Variants in COL25A1 observed in about 807,000 individuals in gnomAD.
COL25A1 encodes collagen type XXV alpha 1 chain, also known as collagen alpha-1(XXV) chain.
In COL25A1, 103 loss-of-function variants were observed where a neutral mutation model predicts 128.4. The observed-to-expected ratio is 0.80, with a 90% CI of 0.68 to 0.94. COL25A1 has a LOEUF of 0.94. Ranked by LOEUF, COL25A1 falls within the 40% of genes least tolerant of loss-of-function variation. The pLI is 0.00. For missense variants in COL25A1, 745 were observed against 840.0 expected (o/e 0.89, Z 1.40); for synonymous variants, 279 against 277.2 (o/e 1.01, Z -0.06).
At position 109,123,966 on chromosome 4, in the gene COL25A1, A is replaced by G. The variant is rs185059030; in HGVS notation, c.368-73787T>C. Among the ~76,000 whole-genome samples, 8 of 152,230 alleles carry G rather than the reference A, an allele frequency of 5.3e-5. No homozygotes were observed. The East Asian group carries it at 1.5e-3, about 29-fold the overall frequency. On this transcript the variant is annotated intron_variant, in intron 3 of 37. Transcript: ENST00000399132. ...TACATAAAATCTACATGCTACTTCAACCTATTTTGCCCAGTCCCAAACTTT... is the reference window on the plus strand; with the variant it reads ...TACATAAAATCTACATGCTACTTCAGCCTATTTTGCCCAGTCCCAAACTTT...
At chr4:109,193,030 A>G (rs1005150311) in intron 3 of COL25A1, among the ~76,000 whole-genome samples, 1 of 152,146 alleles carries the variant, frequency 6.6e-6, no homozygotes, top group Non-Finnish European at 1.5e-5. Flanking sequence ...GTGAGAAAAT[A>G]CATTTCTATA....
At position 109,146,171 on chromosome 4, in the gene COL25A1, T is replaced by A. The variant is rs969360792; in HGVS notation, c.368-95992A>T. Among the ~76,000 whole-genome samples, 10 of 152,326 alleles carry A rather than the reference T, an allele frequency of 6.6e-5. No homozygotes were observed. In the East Asian group the frequency reaches 1.2e-3, roughly 18 times the overall value. Reference sequence around the variant, plus strand: ...TTTTAAACGGTTTTGAGGATTTTTTTAAAATCAGAATTAGAATAACCATGA... The same window carrying A: ...TTTTAAACGGTTTTGAGGATTTTTTAAAAATCAGAATTAGAATAACCATGA... On this transcript the variant is annotated intron_variant, in intron 3 of 37. Coordinates refer to ENST00000399132, the MANE Select transcript of COL25A1 (RefSeq NM_198721.4).
rs185356903 is a variant in COL25A1, at chr4:109,059,145, C to T, written c.368-8966G>A. Reference sequence around the variant, plus strand: ...ATAATACAAGGGACAATGATGATGACTAATATTTATGAGTGCCATCACGCA... The same window carrying T: ...ATAATACAAGGGACAATGATGATGATTAATATTTATGAGTGCCATCACGCA... On this transcript the variant is annotated intron_variant, in intron 3 of 37. Transcript: ENST00000399132. 7.0e-4 allele frequency among the ~76,000 whole-genome samples: 107 copies of T among 152,310 alleles called. 1 individual carries two copies. The highest frequency in any genetic ancestry group is 3.4e-3 in the Middle Eastern group (1 of 294).
intron 31 of COL25A1, chr4:108,838,189 A>C: frequency 1.9e-6 from 3 of 1,548,082 alleles, no homozygotes; most frequent in Non-Finnish European, 2.6e-6. Flanking sequence ...CTAAATGCAA[A>C]AGCAAATGCC....
chr4:109,289,045 C>A (rs1056888857), intron 3 of COL25A1, among the ~76,000 whole-genome samples: 4 of 150,922 alleles, frequency 2.7e-5, no homozygotes, highest in Non-Finnish European at 4.4e-5. Context: ...AGAACTGTTT[C>A]CTGTGTAGTT....
intron 8 of COL25A1, among the ~76,000 whole-genome samples, chr4:108,950,131 C>T (rs558505640): frequency 7.9e-5 from 12 of 152,210 alleles, no homozygotes; most frequent in Non-Finnish European, 7.4e-5. Flanking sequence ...AGCTCTTAGA[C>T]GACCCTTTGC....
At chr4:109,183,251 C>T (rs1774835570) in intron 3 of COL25A1, among the ~76,000 whole-genome samples, 1 of 151,986 alleles carries the variant, frequency 6.6e-6, no homozygotes, top group South Asian at 2.1e-4. Context: ...ATATCAAAGA[C>T]TCTGATGCTT....
In COL25A1 at chr4:108,810,188, C is replaced by G. The variant is rs1383602637; in HGVS notation, c.*3739G>C. On this transcript the variant is annotated 3_prime_UTR_variant, in exon 38 of 38. Transcript: ENST00000399132. ...TTAACTTTTCATGCTTCAATAGTAACATTAAAAAAAAAAACCCTTGGAAAT... is the reference window on the plus strand; with the variant it reads ...TTAACTTTTCATGCTTCAATAGTAAGATTAAAAAAAAAAACCCTTGGAAAT... 6.7e-6 allele frequency: 1 copy of G among 149,108 alleles called. No homozygotes were observed. The highest frequency in any genetic ancestry group is 2.5e-5 in the African/African-American group (1 of 40,490). 9.2% of individuals were successfully genotyped at this position (149,108 alleles called of 1,614,324 possible). A position where few individuals can be genotyped will look rare whatever the true frequency, so the allele number is the denominator to read the frequency against.
intron 3 of COL25A1, among the ~76,000 whole-genome samples, chr4:109,068,295 A>G (rs1762628179): frequency 6.6e-6 from 1 of 152,248 alleles, no homozygotes. Flanking sequence ...AGCAAAAAAG[A>G]AACATGAGTA....
chr4:109,275,515 C>T (rs1441754895), intron 3 of COL25A1, among the ~76,000 whole-genome samples: 2 of 152,124 alleles, frequency 1.3e-5, no homozygotes, highest in African/African-American at 4.8e-5. Context: ...ACTTGCCATA[C>T]AGAATAGAGA....
intron 6 of COL25A1, among the ~76,000 whole-genome samples, chr4:109,002,241 TTGAAGAGATATC>T (rs1755507671): frequency 6.6e-6 from 1 of 152,206 alleles, no homozygotes; most frequent in South Asian, 2.1e-4. Flanking sequence ...AATCAGTATG[TTGAAGAGATATC>T]TGCATGCACG....
At chr4:108,814,859 G>T (rs1386120653) in intron 37 of COL25A1, among the ~76,000 whole-genome samples, 1 of 152,058 alleles carries the variant, frequency 6.6e-6, no homozygotes, top group Non-Finnish European at 1.5e-5. Context: ...AATAACGGAG[G>T]TCTCTTCATT....
intron 3 of COL25A1, among the ~76,000 whole-genome samples, chr4:109,088,668 C>T (rs1764629009): frequency 6.6e-6 from 1 of 152,194 alleles, no homozygotes; most frequent in East Asian, 1.9e-4. Flanking sequence ...GGTAACGTTC[C>T]AGGCACTGAA....
intron 3 of COL25A1, among the ~76,000 whole-genome samples, chr4:109,096,126 C>T (rs1483039882): frequency 6.6e-6 from 1 of 152,172 alleles, no homozygotes; most frequent in Non-Finnish European, 1.5e-5. Flanking sequence ...CCATTTAATG[C>T]ATGTTTTCTT....
Position 108,844,742 on chromosome 4 carries a change from A to T in COL25A1, c.1579-173T>A, listed in dbSNP as rs201765510. 8.5e-5 allele frequency among the ~76,000 whole-genome samples: 11 copies of T among 129,188 alleles called. No homozygotes were observed. The South Asian group carries it at 1.9e-3, about 23-fold the overall frequency. 84.8% of individuals were successfully genotyped at this position (129,188 alleles called of 152,430 possible). Reference sequence around the variant, plus strand: ...ATGTAGAAATTCCCTTATGAGAATTAAAAAAAAAAATTCCAAAAAAAGTTC... The same window carrying T: ...ATGTAGAAATTCCCTTATGAGAATTTAAAAAAAAAATTCCAAAAAAAGTTC... On this transcript the variant is annotated intron_variant, in intron 29 of 37. Coordinates refer to ENST00000399132, the MANE Select transcript of COL25A1 (RefSeq NM_198721.4).
chr4:109,217,467 T>G (rs1010214719), intron 3 of COL25A1, among the ~76,000 whole-genome samples: 1 of 152,076 alleles, frequency 6.6e-6, no homozygotes, highest in East Asian at 1.9e-4. Flanking sequence ...GTCTTTTAAG[T>G]CTAAATAACT....
chr4:108,941,472 A>T (rs754705677), intron 8 of COL25A1, 35 bp from the exon 9 acceptor site: 1 of 1,483,456 alleles, frequency 6.7e-7, no homozygotes, highest in Non-Finnish European at 9.4e-7. Flanking sequence ...GTTGAAGTTC[A>T]GAGATGAGAG....
At chr4:109,164,881 T>C (rs1772920383) in intron 3 of COL25A1, among the ~76,000 whole-genome samples, 1 of 152,188 alleles carries the variant, frequency 6.6e-6, no homozygotes, top group Non-Finnish European at 1.5e-5. Context: ...ACACCACCAC[T>C]TTCTTGCTTT....
chr4:108,878,474 T>G (rs960596885), intron 19 of COL25A1, among the ~76,000 whole-genome samples: 1 of 152,156 alleles, frequency 6.6e-6, no homozygotes, highest in African/African-American at 2.4e-5. Context: ...TAATTAGAAT[T>G]CAAGGCAGCA....
Sources: gnomAD v4.1 joint callset for allele counts (sites outside exome capture counted in the v4.1 genomes callset) on GRCh38, gnomAD v4.1.1 for gene constraint, MANE v1.5 for transcripts, NCBI Gene and HGNC (gene_info 2026-07-23, HGNC 2026-07-21) for gene names.